DAB1: variants seen among roughly 807,000 people sequenced by gnomAD.
DAB1 encodes DAB adaptor protein 1.
DAB1 carries 15 observed loss-of-function variants against 64.6 expected under a neutral mutation model. That is an observed-to-expected ratio of 0.23 (90% confidence interval 0.16 to 0.36). The LOEUF is 0.36. Ranked by LOEUF, DAB1 falls within the 10% of genes least tolerant of loss-of-function variation. The pLI, the probability that DAB1 is intolerant of heterozygous loss-of-function variation, is 1.00. For missense variants in DAB1, 596 were observed against 706.7 expected, an observed-to-expected ratio of 0.84 and a Z score of 1.78; for synonymous variants, 235 against 251.9, an observed-to-expected ratio of 0.93 and a Z score of 0.64.
chr1:58,530,467 C>T, intron 1 of DAB1: 1 of 566,224 alleles, frequency 1.8e-6, no homozygotes, highest in Non-Finnish European at 3.1e-6. Flanking sequence ...AACGAGAAAA[C>T]ATAAGACACT....
intron 5 of DAB1, among the ~76,000 whole-genome samples, chr1:57,943,300 G>T (rs1645130571): frequency 2.0e-5 from 3 of 152,082 alleles, no homozygotes; most frequent in African/African-American, 7.2e-5. Flanking sequence ...AAACCCAATT[G>T]CACACTCAAT....
rs111689777 is a variant in DAB1 at position 58,291,985 on chromosome 1, T to C, written n.309+51367A>G. On this transcript the variant is annotated intron_variant and non_coding_transcript_variant, in intron 4 of 20. Transcript: ENST00000485760. ...CAGTAAAACAGATTGCCCTCTCCAATACAGGTGAGCATCATTCAATCCATT... is the reference window on the plus strand; with the variant it reads ...CAGTAAAACAGATTGCCCTCTCCAACACAGGTGAGCATCATTCAATCCATT... Among the ~76,000 whole-genome samples, 201 of 152,278 alleles carry C rather than the reference T, an allele frequency of 1.3e-3. 1 individual carries two copies. The highest frequency in any genetic ancestry group is 4.4e-3 in the African/African-American group (183 of 41,558).
At chr1:58,444,302 G>A (rs1645042704) in intron 3 of DAB1, among the ~76,000 whole-genome samples, 1 of 152,196 alleles carries the variant, frequency 6.6e-6, no homozygotes, top group South Asian at 2.1e-4. Flanking sequence ...TGTTACAAGA[G>A]TCTTAAAAGC....
chr1:57,409,737 A>T lies in DAB1; in HGVS notation c.-137+14193T>A, dbSNP rs568287180. Among the ~76,000 whole-genome samples, 8 of 152,326 alleles carry T rather than the reference A, an allele frequency of 5.3e-5. No homozygotes were observed. In the South Asian group the frequency reaches 1.7e-3, roughly 32 times the overall value. Reference sequence around the variant, plus strand: ...GGCAGGAGAATCACTTGAACCCAGGAGGTAGAGGTTGCAGTGAGCTGAGAT... The same window carrying T: ...GGCAGGAGAATCACTTGAACCCAGGTGGTAGAGGTTGCAGTGAGCTGAGAT... On this transcript the variant is annotated intron_variant, in intron 1 of 14. Coordinates refer to ENST00000371236, the MANE Select transcript of DAB1 (RefSeq NM_001365792.1).
At chr1:57,903,436 C>T (rs886226100) in intron 5 of DAB1, among the ~76,000 whole-genome samples, 2 of 152,098 alleles carry the variant, frequency 1.3e-5, no homozygotes, top group Non-Finnish European at 2.9e-5. Flanking sequence ...TCATTGCTTG[C>T]TGTCCTTATT....
At chr1:57,069,264 G>T in intron 8 of DAB1, 96 bp downstream of exon 8, 1 of 1,028,500 alleles carries the variant, frequency 9.7e-7, no homozygotes. Flanking sequence ...AACAAGCCAG[G>T]AATGACCAAC....
intron 6 of DAB1, among the ~76,000 whole-genome samples, chr1:57,814,704 T>A (rs1385924097): frequency 1.3e-5 from 2 of 152,142 alleles, no homozygotes; most frequent in African/African-American, 4.8e-5. Flanking sequence ...CAATGCAAAA[T>A]CAAGATTTGA....
At chr1:57,350,799 T>G (rs148883267) in intron 1 of DAB1, among the ~76,000 whole-genome samples, 1 of 152,278 alleles carries the variant, frequency 6.6e-6, no homozygotes, top group East Asian at 1.9e-4. Flanking sequence ...AATGAATGTC[T>G]GCTTAATGAA....
At chr1:58,387,186 A>G (rs894013809) in intron 3 of DAB1, among the ~76,000 whole-genome samples, 4 of 152,252 alleles carry the variant, frequency 2.6e-5, no homozygotes, top group African/African-American at 9.6e-5. Context: ...GGTGGCAAAC[A>G]CTGCTGGCCC....
intron 5 of DAB1, among the ~76,000 whole-genome samples, chr1:57,961,549 G>T (rs1645521804): frequency 1.3e-5 from 2 of 152,076 alleles, no homozygotes; most frequent in Admixed American, 1.3e-4. Flanking sequence ...CTAAAACCTT[G>T]CAAATCTCTG....
At chr1:57,722,550 G>A (rs1647163727) in intron 6 of DAB1, among the ~76,000 whole-genome samples, 2 of 152,178 alleles carry the variant, frequency 1.3e-5, no homozygotes, top group Non-Finnish European at 2.9e-5. Context: ...GATTAGATAA[G>A]GAATGTGAGA....
chr1:57,057,857 C>G (rs1039013396), intron 9 of DAB1, among the ~76,000 whole-genome samples: 1 of 152,084 alleles, frequency 6.6e-6, no homozygotes, highest in Non-Finnish European at 1.5e-5. Flanking sequence ...ATCCGCCCGC[C>G]TTGGCCTCCC....
chr1:57,539,681 A>G (rs1210542597), intron 7 of DAB1, among the ~76,000 whole-genome samples: 1 of 152,230 alleles, frequency 6.6e-6, no homozygotes, highest in African/African-American at 2.4e-5. Context: ...TTCTGAATGA[A>G]TGAGTGGGTA....
At chr1:57,223,182 G>A (rs1467671803) in intron 2 of DAB1, among the ~76,000 whole-genome samples, 1 of 152,216 alleles carries the variant, frequency 6.6e-6, no homozygotes. Flanking sequence ...GTGCTATTCA[G>A]ATGTATGATC....
At chr1:57,363,535 A>G (rs772740256) in intron 1 of DAB1, among the ~76,000 whole-genome samples, 19 of 152,236 alleles carry the variant, frequency 1.2e-4, no homozygotes, top group Non-Finnish European at 2.4e-4. Context: ...GGTGATAATA[A>G]TAGTTCTCAC....
At chr1:58,302,255 A>T (rs1468671607) in intron 4 of DAB1, among the ~76,000 whole-genome samples, 1 of 152,170 alleles carries the variant, frequency 6.6e-6, no homozygotes, top group Non-Finnish European at 1.5e-5. Context: ...GTATAGTCCA[A>T]GAAAATCCCT....
chr1:58,219,025 C>CTCTCTCTCTCTCTCTCTCTCTCTCTG (rs376130413), intron 4 of DAB1, among the ~76,000 whole-genome samples: 22 of 129,548 alleles, frequency 1.7e-4, no homozygotes, highest in East Asian at 4.8e-4. Flanking sequence ...CTCTCTCTCT[C>CTCTCTCTCTCTCTCTCTCTCTCTCTG]TGTGTGTGTG....
At chr1:58,456,346 C>T (rs1645192972) in intron 3 of DAB1, among the ~76,000 whole-genome samples, 1 of 152,176 alleles carries the variant, frequency 6.6e-6, no homozygotes, top group African/African-American at 2.4e-5. Flanking sequence ...TTCATAATCA[C>T]TATGTTTTAC....
At chr1:57,723,532 G>T (rs1647174582) in intron 6 of DAB1, among the ~76,000 whole-genome samples, 1 of 152,206 alleles carries the variant, frequency 6.6e-6, no homozygotes, top group Non-Finnish European at 1.5e-5. Context: ...CTTCTCTCAG[G>T]CTAGCTTGGC....
Sources: allele counts gnomAD v4.1 joint callset (sites outside exome capture counted in the v4.1 genomes callset), GRCh38; gene constraint gnomAD v4.1.1; transcripts MANE v1.5; gene names NCBI Gene and HGNC (gene_info 2026-07-23, HGNC 2026-07-21).